The following RB1 variants were observed in gnomAD, a reference collection of about 807,000 sequenced individuals.
RB1 encodes the protein retinoblastoma-associated protein.
Under a neutral mutation model 135.4 loss-of-function variants are expected in RB1, and 18 were observed. That is an observed-to-expected ratio of 0.13 (90% CI 0.09 to 0.20). The LOEUF (loss-of-function observed/expected upper bound fraction) is 0.20. RB1 is among the 10% of genes least tolerant of loss of function. The probability of loss-of-function intolerance (pLI) is 1.00; values close to 1 mark genes in which losing one functional copy is unlikely to be tolerated. For missense variants in RB1, 868 were observed against 1,110.0 expected, an observed-to-expected ratio of 0.78 and a Z score of 3.10; for synonymous variants, 365 against 373.2, an observed-to-expected ratio of 0.98 and a Z score of 0.25.
intron 2 of RB1, chr13:48,316,723 ACACACACACACACAC>A (rs1952186901): frequency 2.6e-3 from 1 of 392 alleles, no homozygotes; most frequent in African/African-American, 8.5e-3. Context: ...GAACCATCAC[ACACACACACACACAC>A]ACACACACAC....
At position 48,316,719 on chromosome 13, in the gene RB1, TCACACACACACACACACACACACACACA is replaced by T. The variant is rs60176662; in HGVS notation, c.264+9351_264+9378del. 843 of 107,616 alleles carry T rather than the reference TCACACACACACACACACACACACACACA, an allele frequency of 7.8e-3. 9 individuals are homozygous for T. Among genetic ancestry groups the T allele is most frequent in the African/African-American group, 0.022 (619 of 28,440 alleles). 6.7% of individuals were successfully genotyped at this position (107,616 alleles called of 1,614,324 possible). On this transcript the variant is annotated intron_variant, in intron 2 of 26. Transcript: ENST00000267163. ...TCTCCTCCCTGCAACCACAGAACCA[TCACACACACACACACACACACACACACA>T]CACACACACACACACACACACACAC...
chr13:48,458,641 T>A (rs1269561814), intron 19 of RB1, among the ~76,000 whole-genome samples: 1 of 152,210 alleles, frequency 6.6e-6, no homozygotes, highest in African/African-American at 2.4e-5. Context: ...ACCCTCCAGC[T>A]AAGTCTGATG....
At chr13:48,407,071 T>G (rs1206437489) in intron 17 of RB1, among the ~76,000 whole-genome samples, 1 of 152,234 alleles carries the variant, frequency 6.6e-6, no homozygotes, top group African/African-American at 2.4e-5. Flanking sequence ...GAAGCCATTT[T>G]GATAGGACGA....
rs1470196048 is a variant in RB1 at position 48,380,302 on chromosome 13, T to C, written c.1498+61T>C. 17 of 1,291,586 alleles carry C rather than the reference T, an allele frequency of 1.3e-5. No homozygotes were observed. In the East Asian group the frequency reaches 3.9e-4, roughly 29 times the overall value. 80.0% of individuals were successfully genotyped at this position (1,291,586 alleles called of 1,614,324 possible). On this transcript the variant is annotated intron_variant, in intron 16 of 26. Transcript: ENST00000267163. ...AATTTAAAGTTAAAATGTGGTGTGT[T>C]TCTTTGGTCGGGGGAGAGGGATAGT...
At chr13:48,358,182 C>T (rs998551741) in intron 6 of RB1, among the ~76,000 whole-genome samples, 1 of 152,124 alleles carries the variant, frequency 6.6e-6, no homozygotes, top group African/African-American at 2.4e-5. Context: ...TGCAAGCACT[C>T]ATAGGGCATT....
chr13:48,465,615 A>T (rs538223865), intron 23 of RB1, among the ~76,000 whole-genome samples: 55 of 152,110 alleles, frequency 3.6e-4, no homozygotes, highest in Non-Finnish European at 6.9e-4. Flanking sequence ...GACGCAGAAG[A>T]CGGGTGATTT....
intron 1 of RB1, among the ~76,000 whole-genome samples, chr13:48,305,047 A>G (rs1272883552): frequency 6.6e-6 from 1 of 152,116 alleles, no homozygotes; most frequent in African/African-American, 2.4e-5. Flanking sequence ...TGATTTTTCT[A>G]CTTTATGGTT....
Position 48,466,283 on chromosome 13 carries a change from C to T in RB1, c.2489+915C>T, listed in dbSNP as rs1949443890. Among the ~76,000 whole-genome samples the T allele has an allele frequency of 5.3e-5, 3 of 56,788 alleles. No homozygotes were observed. The South Asian group carries it at 2.3e-3, about 44-fold the overall frequency. 37.3% of individuals were successfully genotyped at this position (56,788 alleles called of 152,430 possible). On this transcript the variant is annotated intron_variant, in intron 23 of 26. Transcript: ENST00000267163. ...CCGAGCAGCCTAACTGGGAGGCACC[C>T]CCCAGCAGGGGCACACTGACACCTC... is the stretch of plus-strand genomic sequence containing the variant.
Position 48,345,080 on chromosome 13 carries a change from T to C in RB1, c.381T>C (p.Ser127=), listed in dbSNP as rs780321508. The stretch of plus-strand genomic sequence containing the variant: ...CTTTTTTCTATTCTTTCCTTTGTAG[T>C]GTCCATAAATTCTTTAACTTACTAA... ...FTELQKNIEI[S]VHKFFNLLKE... Residue 127 remains serine, a splice_region_variant and synonymous_variant, in exon 4 of 27, where the codon AGT becomes AGC. Coordinates refer to ENST00000267163, the MANE Select transcript of RB1 (RefSeq NM_000321.3). 3 of 1,610,596 alleles carry C rather than the reference T, an allele frequency of 1.9e-6. No individual in the cohort carries two copies. The highest frequency in any genetic ancestry group is 2.5e-6 in the Non-Finnish European group (3 of 1,178,084).
At chr13:48,348,333 A>G (rs1952516288) in intron 5 of RB1, among the ~76,000 whole-genome samples, 1 of 151,918 alleles carries the variant, frequency 6.6e-6, no homozygotes, top group African/African-American at 2.4e-5. Flanking sequence ...TGAGTAGTAC[A>G]TGAGATTTTC....
Position 48,476,795 on chromosome 13 carries a change from T to C in RB1, c.2615T>C (p.Leu872Pro), listed in dbSNP as rs1470516350. The C allele has an allele frequency of 1.9e-6, 3 of 1,613,728 alleles. No homozygotes were observed. The highest frequency in any genetic ancestry group is 2.5e-6 in the Non-Finnish European group (3 of 1,179,720). Reference sequence around the variant, plus strand: ...GAAGGAAGCAACCCTCCTAAACCACTGAAAAAACTACGCTTTGATATTGAA... The same window carrying C: ...GAAGGAAGCAACCCTCCTAAACCACCGAAAAAACTACGCTTTGATATTGAA... ...SAEGSNPPKP[L>P]KKLRFDIEGS... Residue 872 changes from leucine to proline, a missense_variant, in exon 25 of 27, where the codon CTG becomes CCG. Physicochemically the swap from Leu to Pro is moderately conservative, Grantham distance 98. This residue lies in a region of RB1 where 196 missense variants were observed against 239.8 expected (regional missense o/e 0.82). Transcript: ENST00000267163.
chr13:48,463,144 A>G (rs1949416002), intron 20 of RB1, among the ~76,000 whole-genome samples: 1 of 152,220 alleles, frequency 6.6e-6, no homozygotes, highest in African/African-American at 2.4e-5. Flanking sequence ...TTCAGATCTT[A>G]TTTTTGCATT....
chr13:48,460,721 G>A (rs1333375612), intron 20 of RB1, among the ~76,000 whole-genome samples: 1 of 152,182 alleles, frequency 6.6e-6, no homozygotes, highest in Non-Finnish European at 1.5e-5. Context: ...AGCACTTTGG[G>A]AGGCTGAGGT....
rs200779520 is a variant in RB1 at position 48,322,919 on chromosome 13, AT to A, written c.264+15524del. On this transcript the variant is annotated intron_variant, in intron 2 of 26. Transcript: ENST00000267163. The stretch of plus-strand genomic sequence containing the variant: ...ATATGTTGCTAGATTTGGTTTGCTA[AT>A]TTTTTTTTTTGAGGATTTCTATACG... 3.2e-4 allele frequency among the ~76,000 whole-genome samples: 48 copies of A among 148,324 alleles called. 1 individual carries two copies. Among genetic ancestry groups the A allele is most frequent in the South Asian group, 6.4e-4 (3 of 4,696 alleles).
chr13:48,419,673 AAATAGACAC>A (rs1312120006), intron 17 of RB1, among the ~76,000 whole-genome samples: 5 of 152,218 alleles, frequency 3.3e-5, no homozygotes, highest in African/African-American at 1.2e-4. Flanking sequence ...GAGAAGAATC[AAATAGACAC>A]AATAAAAAAA....
chr13:48,455,101 A>T (rs542596101), intron 18 of RB1, among the ~76,000 whole-genome samples: 1 of 152,136 alleles, frequency 6.6e-6, no homozygotes, highest in South Asian at 2.1e-4. Context: ...TAGAAATAGA[A>T]ATGGAGAGAT....
At chr13:48,411,464 A>G in intron 17 of RB1, 2 of 1,613,126 alleles carry the variant, frequency 1.2e-6, no homozygotes, top group East Asian at 2.2e-5. Context: ...TCTCTGCACC[A>G]TGAACTTCAG....
At chr13:48,349,058 C>G (rs1356084871) in intron 6 of RB1, 35 bp downstream of exon 6, 1 of 1,560,614 alleles carries the variant, frequency 6.4e-7, no homozygotes, top group East Asian at 2.3e-5. Context: ...GCTAATATTT[C>G]AAATGTAATA....
At chr13:48,391,905 C>A (rs938466691) in intron 17 of RB1, among the ~76,000 whole-genome samples, 1 of 152,140 alleles carries the variant, frequency 6.6e-6, no homozygotes, top group Admixed American at 6.5e-5. Context: ...CTGGCATGAG[C>A]CACCGCACCC....
Sources: allele counts gnomAD v4.1 joint callset (sites outside exome capture counted in the v4.1 genomes callset), GRCh38; gene constraint gnomAD v4.1.1; regional missense constraint gnomAD v4.1.1; transcripts MANE v1.5; gene names NCBI Gene and HGNC (gene_info 2026-07-23, HGNC 2026-07-21).